The following HIBCH variants were observed in gnomAD, a reference collection of about 807,000 sequenced individuals.
HIBCH encodes 3-hydroxyisobutyryl-CoA hydrolase, also known as 3-hydroxyisobutyryl-CoA hydrolase, mitochondrial.
In HIBCH, 50 loss-of-function variants were observed where a neutral mutation model predicts 58.2. That is an observed-to-expected ratio of 0.86 (90% CI 0.68 to 1.09). The LOEUF is 1.09. Among genes scored for constraint, HIBCH ranks in the 50% least tolerant of loss-of-function variants. HIBCH has a pLI of 0.00. For synonymous variants in HIBCH, 151 were observed against 146.9 expected (o/e 1.03, Z -0.20); for missense variants, 450 against 449.7 (o/e 1.00, Z -0.01).
At chr2:190,283,890 G>A (rs1209747537) in intron 6 of HIBCH, among the ~76,000 whole-genome samples, 1 of 152,188 alleles carries the variant, frequency 6.6e-6, no homozygotes, top group African/African-American at 2.4e-5. Flanking sequence ...GAGAAGCACA[G>A]GACAGAAATA....
intron 2 of HIBCH, among the ~76,000 whole-genome samples, chr2:190,305,231 T>C (rs1688372822): frequency 6.6e-6 from 1 of 152,070 alleles, no homozygotes; most frequent in African/African-American, 2.4e-5. Flanking sequence ...AGCTTGGAAG[T>C]TCACTGGAAA....
chr2:190,261,262 G>A (rs377703522), intron 6 of HIBCH, 28 bp from the exon 7 acceptor site: 30 of 1,481,322 alleles, frequency 2.0e-5, no homozygotes, highest in African/African-American at 1.6e-4. Context: ...AAAAAGAGGC[G>A]GGGGGGAATT....
chr2:190,234,073 C>T (rs941640365), intron 11 of HIBCH, among the ~76,000 whole-genome samples: 2 of 152,170 alleles, frequency 1.3e-5, no homozygotes, highest in African/African-American at 4.8e-5. Flanking sequence ...AGGAGAATAG[C>T]TTAAACCTGG....
At chr2:190,286,134 AC>A (rs1365601837) in intron 6 of HIBCH, among the ~76,000 whole-genome samples, 1 of 151,916 alleles carries the variant, frequency 6.6e-6, no homozygotes, top group Non-Finnish European at 1.5e-5. Context: ...CAGCCACGAC[AC>A]CCGGACTTGA....
At chr2:190,218,843 G>C (rs753108155) in intron 11 of HIBCH, among the ~76,000 whole-genome samples, 2 of 152,134 alleles carry the variant, frequency 1.3e-5, no homozygotes, top group African/African-American at 2.4e-5. Flanking sequence ...TCAAATCCTA[G>C]AGCGATCCCT....
chr2:190,287,554 C>A (rs775319099), intron 6 of HIBCH, 32 bp downstream of exon 6: 1 of 1,350,724 alleles, frequency 7.4e-7, no homozygotes, highest in Non-Finnish European at 1.1e-6. Context: ...ACAACTCACT[C>A]ATACAATGAT....
chr2:190,276,577 T>C (rs1447889057), intron 6 of HIBCH, among the ~76,000 whole-genome samples: 1 of 152,202 alleles, frequency 6.6e-6, no homozygotes, highest in Non-Finnish European at 1.5e-5. Flanking sequence ...AAAAGCTGGC[T>C]GTTTAAAAGA....
chr2:190,319,824 C>A lies in HIBCH; in HGVS notation c.-74G>T, dbSNP rs1264981064. On this transcript the variant is annotated 5_prime_UTR_variant, in exon 1 of 14. Coordinates refer to ENST00000359678, the MANE Select transcript of HIBCH (RefSeq NM_014362.4). ...GTTCCAGCGCCTCGCGTGAGCCCCG[C>A]CCACCGCCGTCCTGCGCCGCCGGGC... The A allele has an allele frequency of 6.3e-5, 99 of 1,560,432 alleles. 1 individual carries two copies. Among genetic ancestry groups the A allele is most frequent in the Non-Finnish European group, 8.2e-5 (94 of 1,146,912 alleles).
chr2:190,293,706 C>A (rs1688017467), intron 4 of HIBCH, among the ~76,000 whole-genome samples: 1 of 151,646 alleles, frequency 6.6e-6, no homozygotes, highest in Non-Finnish European at 1.5e-5. Flanking sequence ...AACAAACAAA[C>A]AAACATATAA....
chr2:190,233,402 T>G (rs1359392375), intron 11 of HIBCH, among the ~76,000 whole-genome samples: 1 of 152,158 alleles, frequency 6.6e-6, no homozygotes, highest in African/African-American at 2.4e-5. Flanking sequence ...GGGCAGATCT[T>G]TCCCATGCCG....
chr2:190,283,137 A>T (rs1026347203), intron 6 of HIBCH, among the ~76,000 whole-genome samples: 3 of 152,228 alleles, frequency 2.0e-5, no homozygotes, highest in African/African-American at 7.2e-5. Flanking sequence ...TTTAGATTTA[A>T]GATTTGTTAG....
chr2:190,277,712 T>C (rs1017788840), intron 6 of HIBCH, among the ~76,000 whole-genome samples: 5 of 152,212 alleles, frequency 3.3e-5, no homozygotes, highest in African/African-American at 2.4e-5. Context: ...CAGCCAATCA[T>C]AGGCAGCCAA....
intron 6 of HIBCH, among the ~76,000 whole-genome samples, chr2:190,278,739 A>G (rs1687625750): frequency 2.7e-5 from 1 of 36,978 alleles, no homozygotes; most frequent in Non-Finnish European, 8.7e-5. Context: ...ACTCCATCTC[A>G]AAAAAAAAAA....
chr2:190,278,738 C>CA (rs34358967), intron 6 of HIBCH, among the ~76,000 whole-genome samples: 3,938 of 79,416 alleles, frequency 0.05, 359 homozygotes, highest in African/African-American at 0.19. Flanking sequence ...GACTCCATCT[C>CA]AAAAAAAAAA....
chr2:190,288,156 CTTTTTTTTT>C (rs369704911), intron 5 of HIBCH, among the ~76,000 whole-genome samples: 68,662 of 141,286 alleles, frequency 0.49, 17,411 homozygotes, highest in Middle Eastern at 0.58. Context: ...AAGACCCTAT[CTTTTTTTTT>C]TTTTTTTTTA....
chr2:190,248,381 C>T (rs1418776035), intron 9 of HIBCH, among the ~76,000 whole-genome samples: 2 of 151,960 alleles, frequency 1.3e-5, no homozygotes, highest in East Asian at 1.9e-4. Context: ...TGGGATGCAG[C>T]GGTTCTGCAA....
chr2:190,293,683 G>A (rs1575754845), intron 4 of HIBCH, among the ~76,000 whole-genome samples: 1 of 151,858 alleles, frequency 6.6e-6, no homozygotes, highest in East Asian at 1.9e-4. Context: ...CCCAAAGACT[G>A]TTGTCTTAAT....
Position 190,217,745 on chromosome 2 carries a change from A to G in HIBCH, c.892-4670T>C, listed in dbSNP as rs999074756. ...GAAGACATGCTCCACCCAAGCTGGGAAAGTCCGTAACAAGTGCTCCTAATC... is the reference window on the plus strand; with the variant it reads ...GAAGACATGCTCCACCCAAGCTGGGGAAGTCCGTAACAAGTGCTCCTAATC... On this transcript the variant is annotated intron_variant, in intron 11 of 13. Coordinates refer to ENST00000359678, the MANE Select transcript of HIBCH (RefSeq NM_014362.4). The surrounding 1 kb of genome is among the most constrained non-coding windows in gnomAD (Gnocchi z 4.6). Among the ~76,000 whole-genome samples, 3 of 152,198 alleles carry G rather than the reference A, an allele frequency of 2.0e-5. No individual in the cohort carries two copies. Among genetic ancestry groups the G allele is most frequent in the Non-Finnish European group, 4.4e-5 (3 of 68,026 alleles).
At chr2:190,270,503 A>G (rs1250394280) in intron 6 of HIBCH, among the ~76,000 whole-genome samples, 1 of 152,234 alleles carries the variant, frequency 6.6e-6, no homozygotes, top group African/African-American at 2.4e-5. Flanking sequence ...TGTTTACAGA[A>G]AAAGTCATGG....
Sources: allele counts gnomAD v4.1 joint callset (sites outside exome capture counted in the v4.1 genomes callset), GRCh38; gene constraint gnomAD v4.1.1; non-coding constraint Gnocchi (gnomAD v3.1); transcripts MANE v1.5; gene names NCBI Gene and HGNC (gene_info 2026-07-23, HGNC 2026-07-21).